The following PTPRG variants were observed in gnomAD, a reference collection of about 807,000 sequenced individuals.
The protein encoded by PTPRG is protein tyrosine phosphatase receptor type G.
Under a neutral mutation model 165.3 loss-of-function variants are expected in PTPRG, and 102 were observed. The observed-to-expected ratio is 0.62, with a 90% CI of 0.53 to 0.73. PTPRG has a LOEUF of 0.73. Among genes scored for constraint, PTPRG ranks in the 30% least tolerant of loss-of-function variants. PTPRG has a pLI of 0.00. For missense variants in PTPRG, 1,866 were observed against 1,861.4 expected, an observed-to-expected ratio of 1.00 and a Z score of -0.05; for synonymous variants, 675 against 669.5, an observed-to-expected ratio of 1.01 and a Z score of -0.13.
intron 2 of PTPRG, among the ~76,000 whole-genome samples, chr3:61,958,507 C>T (rs2040083001): frequency 1.3e-5 from 2 of 152,160 alleles, no homozygotes; most frequent in African/African-American, 2.4e-5. Context: ...ACCTGAAGGT[C>T]AAGGGTTCTT....
chr3:62,066,754 TC>T (rs987708995), intron 4 of PTPRG, among the ~76,000 whole-genome samples: 2 of 152,122 alleles, frequency 1.3e-5, no homozygotes, highest in Non-Finnish European at 2.9e-5. Context: ...AAAAGTGCTC[TC>T]CTGGCTGGGC....
At chr3:62,020,391 C>CATTTCTAAGACCTTATTTTGT (rs2041662613) in intron 4 of PTPRG, among the ~76,000 whole-genome samples, 1 of 152,010 alleles carries the variant, frequency 6.6e-6, no homozygotes, top group Non-Finnish European at 1.5e-5. Flanking sequence ...TAAGCTAGAA[C>CATTTCTAAGACCTTATTTTGT]AAGTATAGAG....
Position 61,692,077 on chromosome 3 carries a change from A to G in PTPRG, c.86-56801A>G, listed in dbSNP as rs573829789. 2.0e-5 allele frequency among the ~76,000 whole-genome samples: 3 copies of G among 152,390 alleles called. No individual in the cohort carries two copies. In the South Asian group the frequency reaches 6.2e-4, roughly 32 times the overall value. On this transcript the variant is annotated intron_variant, in intron 1 of 29. Coordinates refer to ENST00000474889, the MANE Select transcript of PTPRG (RefSeq NM_002841.4). ...ATTCCAGTGCTAAGCAGTGAATAGT[A>G]TATGATACATAATGAATTTTCTTCT...
intron 2 of PTPRG, among the ~76,000 whole-genome samples, chr3:61,965,487 C>CAAAAAAAA (rs56210593): frequency 1.2e-5 from 1 of 80,202 alleles, no homozygotes; most frequent in Non-Finnish European, 2.5e-5. Context: ...GACTCCGTCT[C>CAAAAAAAA]AAAAAAAAAA....
intron 1 of PTPRG, among the ~76,000 whole-genome samples, chr3:61,595,760 T>C (rs933413393): frequency 1.3e-5 from 2 of 152,232 alleles, no homozygotes; most frequent in African/African-American, 4.8e-5. Flanking sequence ...CTGATTCATA[T>C]AGTAGCTAAG....
At chr3:62,161,401 A>T (rs1704755461) in intron 7 of PTPRG, among the ~76,000 whole-genome samples, 1 of 152,262 alleles carries the variant, frequency 6.6e-6, no homozygotes, top group Non-Finnish European at 1.5e-5. Context: ...AATCAAATGT[A>T]TCCACAATAT....
intron 6 of PTPRG, among the ~76,000 whole-genome samples, chr3:62,136,875 T>C (rs1703728295): frequency 6.6e-6 from 1 of 152,190 alleles, no homozygotes. Flanking sequence ...GGGCATGTCT[T>C]TATGTGCAGC....
At chr3:62,107,433 A>G (rs2106845874) in intron 5 of PTPRG, among the ~76,000 whole-genome samples, 1 of 152,386 alleles carries the variant, frequency 6.6e-6, no homozygotes, top group South Asian at 2.1e-4. Context: ...AACACAAAGA[A>G]GATAGCTTTT....
At chr3:62,030,248 C>T (rs1188433469) in intron 4 of PTPRG, among the ~76,000 whole-genome samples, 2 of 150,580 alleles carry the variant, frequency 1.3e-5, no homozygotes, top group East Asian at 3.9e-4. Context: ...TGAACTAAGG[C>T]AATGTTGACA....
chr3:61,635,363 A>T (rs566103503), intron 1 of PTPRG, among the ~76,000 whole-genome samples: 12 of 148,710 alleles, frequency 8.1e-5, no homozygotes, highest in Admixed American at 5.4e-4. Context: ...TATAAATAAT[A>T]ATTATTATTA....
At chr3:62,277,705 T>C (rs1430648601) in intron 26 of PTPRG, 26 bp downstream of exon 26, 13 of 1,610,200 alleles carry the variant, frequency 8.1e-6, no homozygotes, top group Non-Finnish European at 1.1e-5. Context: ...CTGCTATATA[T>C]TAATGAGCCC....
At chr3:61,787,544 A>C (rs182532958) in intron 2 of PTPRG, among the ~76,000 whole-genome samples, 42 of 152,354 alleles carry the variant, frequency 2.8e-4, no homozygotes, top group Admixed American at 2.7e-3. Flanking sequence ...AGAGCCCCTA[A>C]GTAATGCGGG....
chr3:61,837,046 G>C (rs1489617282), intron 2 of PTPRG, among the ~76,000 whole-genome samples: 1 of 152,182 alleles, frequency 6.6e-6, no homozygotes, highest in African/African-American at 2.4e-5. Context: ...GAGTAGCTGG[G>C]ATTACAGGTA....
At chr3:61,921,405 T>A (rs2039076187) in intron 2 of PTPRG, among the ~76,000 whole-genome samples, 1 of 152,142 alleles carries the variant, frequency 6.6e-6, no homozygotes, top group Non-Finnish European at 1.5e-5. Context: ...TCTTTAGCCC[T>A]TGGTGAGTGA....
chr3:61,589,693 C>T (rs1700520104), intron 1 of PTPRG, among the ~76,000 whole-genome samples: 1 of 151,992 alleles, frequency 6.6e-6, no homozygotes, highest in African/African-American at 2.4e-5. Flanking sequence ...ATGGCCTTGT[C>T]CGTTGCTGTA....
In PTPRG at chr3:62,287,826, C is replaced by A. The variant is rs985257049; in HGVS notation, c.4056-4595C>A. On this transcript the variant is annotated intron_variant, in intron 28 of 29. Coordinates refer to ENST00000474889, the MANE Select transcript of PTPRG (RefSeq NM_002841.4). Reference sequence around the variant, plus strand: ...GAGACTGCACAGAGAGACCTAGAGTCTCTTCAAACACAAATGGTTTATTTA... The same window carrying A: ...GAGACTGCACAGAGAGACCTAGAGTATCTTCAAACACAAATGGTTTATTTA... 7.9e-5 allele frequency among the ~76,000 whole-genome samples: 12 copies of A among 152,094 alleles called. 1 individual carries two copies. The highest frequency in any genetic ancestry group is 2.7e-4 in the African/African-American group (11 of 41,426).
At chr3:61,917,251 TC>T (rs774847090) in intron 2 of PTPRG, among the ~76,000 whole-genome samples, 1 of 152,190 alleles carries the variant, frequency 6.6e-6, no homozygotes, top group African/African-American at 2.4e-5. Context: ...GTGGCTCACA[TC>T]AGTGCATTGC....
At chr3:61,910,863 T>C (rs2038785199) in intron 2 of PTPRG, among the ~76,000 whole-genome samples, 1 of 152,224 alleles carries the variant, frequency 6.6e-6, no homozygotes, top group African/African-American at 2.4e-5. Flanking sequence ...GGCACTTAGG[T>C]GGAAGGCCTG....
rs776600575 is a variant in PTPRG at position 62,218,952 on chromosome 3, A to G, written c.2257A>G (p.Ile753Val). The G allele has an allele frequency of 3.1e-6, 5 of 1,614,152 alleles. No homozygotes were observed. Among genetic ancestry groups the G allele is most frequent in the East Asian group, 4.5e-5 (2 of 44,878 alleles). Residue 753 changes from isoleucine (I) to valine (V), a missense_variant, in exon 13 of 30, where the codon ATC (isoleucine) becomes GTC (valine). Physicochemically the swap from Ile to Val is conservative, Grantham distance 29. Transcript: ENST00000474889. ...VVSALTFVCL[I>V]LLIAVLVYWR... ...ATCAGCCTTGACCTTCGTGTGCCTCATCCTTCTCATTGCTGTGCTCGTTTA... is the reference window on the plus strand; with the variant it reads ...ATCAGCCTTGACCTTCGTGTGCCTCGTCCTTCTCATTGCTGTGCTCGTTTA...
Sources: gnomAD v4.1 joint callset for allele counts (sites outside exome capture counted in the v4.1 genomes callset) on GRCh38, gnomAD v4.1.1 for gene constraint, MANE v1.5 for transcripts, NCBI Gene and HGNC (gene_info 2026-07-23, HGNC 2026-07-21) for gene names.